LMO7: variants seen among roughly 807,000 people sequenced by gnomAD.
LMO7 encodes LIM domain only protein 7.
A neutral mutation model predicts 206.5 loss-of-function variants in LMO7; 120 were observed. The observed-to-expected ratio is 0.58, with a 90% CI of 0.50 to 0.68. The LOEUF (loss-of-function observed/expected upper bound fraction) is 0.68, where lower values mean the gene tolerates loss of function less well. Ranked by LOEUF, LMO7 falls within the 30% of genes least tolerant of loss-of-function variation. LMO7 has a pLI of 0.00. For missense variants in LMO7, 1,959 were observed against 1,957.9 expected (o/e 1.00, Z -0.01); for synonymous variants, 706 against 681.5 (o/e 1.04, Z -0.56).
At chr13:75,713,787 GAAGT>G (rs1405842074) in intron 2 of LMO7, among the ~76,000 whole-genome samples, 1 of 152,144 alleles carries the variant, frequency 6.6e-6, no homozygotes, top group African/African-American at 2.4e-5. Context: ...TGCTTACAAA[GAAGT>G]AAGATAGGCT....
chr13:75,672,460 C>G (rs550076429), intron 1 of LMO7, among the ~76,000 whole-genome samples: 17 of 152,002 alleles, frequency 1.1e-4, no homozygotes, highest in Admixed American at 9.8e-4. Flanking sequence ...AGGCTGGTCT[C>G]GAACTCCCTA....
In LMO7 at chr13:75,857,929, C is replaced by G; in HGVS notation, c.4882C>G (p.Pro1628Ala). 1 of 1,599,524 alleles carries G rather than the reference C, an allele frequency of 6.3e-7. No homozygotes were observed. Among genetic ancestry groups the G allele is most frequent in the Non-Finnish European group, 8.5e-7 (1 of 1,173,976 alleles). ...TCTCCTTGCCCGATCAGCTGGACGG[C>G]CAACCGCCATGTGATGTAAGCCTCC... Reference protein sequence around the residue: ...DCYLRFKSGRPTAM With the variant: ...DCYLRFKSGRATAM Residue 1628 changes from proline to alanine, a missense_variant, in exon 31 of 31, where the codon CCA (proline) becomes GCA (alanine). Pro to Ala is a conservative substitution (Grantham distance 27). Coordinates refer to ENST00000377534, the MANE Select transcript of LMO7 (RefSeq NM_001306080.2).
chr13:75,690,599 C>T (rs1430579723), intron 1 of LMO7, among the ~76,000 whole-genome samples: 6 of 152,126 alleles, frequency 3.9e-5, no homozygotes, highest in African/African-American at 1.4e-4. Flanking sequence ...GCATTATGGC[C>T]AATGGGTCTC....
intron 7 of LMO7, among the ~76,000 whole-genome samples, chr13:75,803,994 A>G: frequency 6.6e-6 from 1 of 152,204 alleles, no homozygotes; most frequent in East Asian, 1.9e-4. Context: ...AACAAATCTT[A>G]TGGAAAATCA....
At chr13:75,828,478 T>C (rs1364374776) in intron 15 of LMO7, among the ~76,000 whole-genome samples, 1 of 152,186 alleles carries the variant, frequency 6.6e-6, no homozygotes, top group Non-Finnish European at 1.5e-5. Context: ...TTTAGAATTT[T>C]AGAGCCACTG....
At chr13:75,797,473 G>A (rs1176076749) in intron 6 of LMO7, among the ~76,000 whole-genome samples, 1 of 152,144 alleles carries the variant, frequency 6.6e-6, no homozygotes, top group Admixed American at 6.5e-5. Context: ...TTTATTCAGG[G>A]AAATTTGTAG....
chr13:75,715,094 G>T (rs1036234680), intron 2 of LMO7, among the ~76,000 whole-genome samples: 1 of 152,044 alleles, frequency 6.6e-6, no homozygotes, highest in African/African-American at 2.4e-5. Flanking sequence ...ATATTTTAGG[G>T]GTCCCACTTT....
intron 1 of LMO7, among the ~76,000 whole-genome samples, chr13:75,639,329 T>C (rs965848106): frequency 2.0e-5 from 3 of 152,354 alleles, no homozygotes; most frequent in African/African-American, 4.8e-5. Context: ...ATATAAAAAT[T>C]GGTGTGTCTA....
At chr13:75,667,181 A>G (rs941258878) in intron 1 of LMO7, among the ~76,000 whole-genome samples, 18 of 151,902 alleles carry the variant, frequency 1.2e-4, no homozygotes, top group Non-Finnish European at 1.8e-4. Flanking sequence ...TTTTTCTCTC[A>G]TTGCTTTTCA....
In LMO7 at chr13:75,737,406, C is replaced by T. The variant is rs149258055; in HGVS notation, c.210+10308C>T. On this transcript the variant is annotated intron_variant, in intron 3 of 30. Coordinates refer to ENST00000377534, the MANE Select transcript of LMO7 (RefSeq NM_001306080.2). ...AAAAGGAACAAAGTACCAAATATAG[C>T]TCTAGGAAATTAATACAGATAGGTA... 1.8e-4 allele frequency among the ~76,000 whole-genome samples: 27 copies of T among 151,890 alleles called. No homozygotes were observed. The East Asian group carries it at 5.0e-3, about 28-fold the overall frequency.
chr13:75,701,085 G>A (rs2042255104), intron 1 of LMO7, among the ~76,000 whole-genome samples: 1 of 152,154 alleles, frequency 6.6e-6, no homozygotes, highest in South Asian at 2.1e-4. Flanking sequence ...AAGTTTTTGT[G>A]TGGAGGTATG....
At chr13:75,845,558 G>T (rs2059922761) in intron 26 of LMO7, among the ~76,000 whole-genome samples, 179 bp downstream of exon 26, 1 of 151,976 alleles carries the variant, frequency 6.6e-6, no homozygotes, top group Non-Finnish European at 1.5e-5. Context: ...TTTACTTTTG[G>T]CTTTATTTTA....
At chr13:75,661,637 C>T (rs2038612228) in intron 1 of LMO7, among the ~76,000 whole-genome samples, 1 of 152,202 alleles carries the variant, frequency 6.6e-6, no homozygotes, top group Non-Finnish European at 1.5e-5. Flanking sequence ...GTTCCCGTTC[C>T]TCATGTCTTA....
At chr13:75,826,116 T>G (rs1248150242) in intron 15 of LMO7, among the ~76,000 whole-genome samples, 1 of 152,044 alleles carries the variant, frequency 6.6e-6, no homozygotes, top group Non-Finnish European at 1.5e-5. Context: ...TCATGGCTCA[T>G]TGCAGCCTCA....
chr13:75,712,993 A>G (rs1227245304), intron 1 of LMO7, among the ~76,000 whole-genome samples, 189 bp from the exon 2 acceptor site: 1 of 152,248 alleles, frequency 6.6e-6, no homozygotes, highest in Non-Finnish European at 1.5e-5. Flanking sequence ...TAAAATGGCT[A>G]AACTATCTCT....
Position 75,817,248 on chromosome 13 carries a change from A to G in LMO7, c.2034A>G (p.Gln678=), listed in dbSNP as rs1389519863. 1.2e-6 allele frequency: 2 copies of G among 1,612,606 alleles called. No homozygotes were observed. The highest frequency in any genetic ancestry group is 1.3e-5 in the African/African-American group (1 of 74,910). ...RYEEMQKIKS[Q]LKEQDQKWQD... is the part of the protein sequence containing the mutation. ...AGGAGATGCAGAAAATAAAATCACA[A>G]TTAAAAGAACAAGATCAGAAATGGC... Residue 678 remains glutamine (Q), a synonymous_variant, in exon 12 of 31, where the codon CAA becomes CAG. Coordinates refer to ENST00000377534, the MANE Select transcript of LMO7 (RefSeq NM_001306080.2).
intron 3 of LMO7, among the ~76,000 whole-genome samples, chr13:75,730,305 A>T (rs1181524670): frequency 6.6e-6 from 1 of 152,146 alleles, no homozygotes; most frequent in Non-Finnish European, 1.5e-5. Context: ...ACAACTTCAG[A>T]TCCTGTTATT....
chr13:75,800,985 CT>C, intron 7 of LMO7, 103 bp downstream of exon 7: 3 of 1,025,018 alleles, frequency 2.9e-6, no homozygotes, highest in Non-Finnish European at 4.5e-6. Context: ...AAAAATTTCA[CT>C]TAGAAGTGGA....
chr13:75,840,212 A>G, intron 21 of LMO7, 102 bp downstream of exon 21: 2 of 1,402,696 alleles, frequency 1.4e-6, no homozygotes, highest in Non-Finnish European at 2.0e-6. Flanking sequence ...ATAAGAATTT[A>G]TCAGAGAGTT....
Sources: gnomAD v4.1 joint callset for allele counts (sites outside exome capture counted in the v4.1 genomes callset) on GRCh38, gnomAD v4.1.1 for gene constraint, MANE v1.5 for transcripts, NCBI Gene and HGNC (gene_info 2026-07-23, HGNC 2026-07-21) for gene names.